KCNJ3: variants seen among roughly 807,000 people sequenced by gnomAD.
KCNJ3 encodes potassium inwardly rectifying channel subfamily J member 3.
In KCNJ3, 4 loss-of-function variants were observed where a neutral mutation model predicts 39.2. The observed-to-expected ratio is 0.10, with a 90% CI of 0.05 to 0.23. KCNJ3 has a LOEUF of 0.23. Among genes scored for constraint, KCNJ3 ranks in the 10% least tolerant of loss-of-function variants. The probability of loss-of-function intolerance (pLI) is 1.00; values close to 1 mark genes in which losing one functional copy is unlikely to be tolerated. For synonymous variants in KCNJ3, 230 were observed against 237.4 expected, an observed-to-expected ratio of 0.97 and a Z score of 0.29; for missense variants, 276 against 634.9, an observed-to-expected ratio of 0.43 and a Z score of 6.08.
At chr2:154,831,577 T>C (rs539550885) in intron 2 of KCNJ3, among the ~76,000 whole-genome samples, 3 of 152,194 alleles carry the variant, frequency 2.0e-5, no homozygotes, top group African/African-American at 7.2e-5. Flanking sequence ...ATGGGCCACA[T>C]GTATGGATGA....
chr2:154,720,824 AG>A (rs1481087491), intron 2 of KCNJ3, among the ~76,000 whole-genome samples: 7 of 152,138 alleles, frequency 4.6e-5, no homozygotes, highest in Non-Finnish European at 1.0e-4. Context: ...TTCTTCACTA[AG>A]GGTTTACTTT....
At chr2:154,715,877 A>G (rs16838030) in intron 2 of KCNJ3, among the ~76,000 whole-genome samples, 14,208 of 152,070 alleles carry the variant, frequency 0.093, 709 homozygotes, top group African/African-American at 0.11. Flanking sequence ...ATCTTGAGAC[A>G]TTTACTTTTT....
rs1686173614 is a variant in KCNJ3 at position 154,768,386 on chromosome 2, G to T, written c.919+58567G>T. Among the ~76,000 whole-genome samples, 3 of 152,264 alleles carry T rather than the reference G, an allele frequency of 2.0e-5. No individual in the cohort carries two copies. In the South Asian group the frequency reaches 6.2e-4, roughly 32 times the overall value. ...GTATAAGGTGTAAGGAAGGGATCCAGTTTCAGCTTTCTACATATGGCTAGC... is the reference window on the plus strand; with the variant it reads ...GTATAAGGTGTAAGGAAGGGATCCATTTTCAGCTTTCTACATATGGCTAGC... On this transcript the variant is annotated intron_variant, in intron 2 of 2. Transcript: ENST00000295101.
At chr2:154,825,602 G>A (rs1030866598) in intron 2 of KCNJ3, among the ~76,000 whole-genome samples, 1 of 150,724 alleles carries the variant, frequency 6.6e-6, no homozygotes, top group Admixed American at 6.6e-5. Context: ...TTGAGACAAG[G>A]TCTTGCTCTG....
At chr2:154,777,268 C>T (rs1686354657) in intron 2 of KCNJ3, among the ~76,000 whole-genome samples, 1 of 152,152 alleles carries the variant, frequency 6.6e-6, no homozygotes, top group African/African-American at 2.4e-5. Flanking sequence ...TACAGTGTTT[C>T]TGCGACTTAT....
chr2:154,705,216 C>T (rs1434086843), intron 1 of KCNJ3, among the ~76,000 whole-genome samples: 1 of 152,174 alleles, frequency 6.6e-6, no homozygotes, highest in Non-Finnish European at 1.5e-5. Flanking sequence ...ATGGATTGTA[C>T]TGGATAAATA....
chr2:154,819,284 A>G (rs1040425914), intron 2 of KCNJ3, among the ~76,000 whole-genome samples: 18 of 152,036 alleles, frequency 1.2e-4, no homozygotes, highest in African/African-American at 3.9e-4. Flanking sequence ...CTTTTAAAAA[A>G]CTTTTTATTG....
chr2:154,736,953 G>T (rs1265195154), intron 2 of KCNJ3, among the ~76,000 whole-genome samples: 2 of 152,186 alleles, frequency 1.3e-5, no homozygotes, highest in Non-Finnish European at 2.9e-5. Context: ...GGAATCTGGA[G>T]AGGTCATCAT....
intron 2 of KCNJ3, among the ~76,000 whole-genome samples, chr2:154,710,985 T>C (rs188206139): frequency 3.9e-5 from 6 of 152,242 alleles, no homozygotes; most frequent in Admixed American, 3.9e-4. Context: ...GAGGATGATA[T>C]AATAACCACC....
At chr2:154,707,974 T>C (rs1685041422) in intron 1 of KCNJ3, among the ~76,000 whole-genome samples, 1 of 152,134 alleles carries the variant, frequency 6.6e-6, no homozygotes. Context: ...TCAAGAAAGT[T>C]CTTTTGGGAG....
intron 2 of KCNJ3, among the ~76,000 whole-genome samples, chr2:154,764,587 C>T (rs1450893877): frequency 6.6e-6 from 1 of 152,158 alleles, no homozygotes; most frequent in Admixed American, 6.6e-5. Flanking sequence ...AGAATTACTG[C>T]AATTTTCTAC....
In KCNJ3 at chr2:154,798,207, C is replaced by A. The variant is rs769516606; in HGVS notation, c.920-56520C>A. Among the ~76,000 whole-genome samples the A allele has an allele frequency of 1.1e-4, 14 of 126,508 alleles. No homozygotes were observed. In the East Asian group the frequency reaches 2.0e-3, roughly 18 times the overall value. 83.0% of individuals were successfully genotyped at this position (126,508 alleles called of 152,430 possible). On this transcript the variant is annotated intron_variant, in intron 2 of 2. Transcript: ENST00000295101. ...AACACCGCACACACACACACACACA[C>A]ACACACACACACACGCACAGAGTCT...
intron 2 of KCNJ3, among the ~76,000 whole-genome samples, chr2:154,838,703 GTAACATTGTAAAGCA>G (rs138849530): frequency 0.051 from 7,687 of 152,214 alleles, 244 homozygotes; most frequent in South Asian, 0.1. Flanking sequence ...TTATATAAAT[GTAACATTGTAAAGCA>G]TGACATTGTA....
rs558268814 is a variant in KCNJ3, at chr2:154,732,986, A to C, written c.919+23167A>C. ...AAGTCTGCCCAGCACAACACTGAAA[A>C]AAGCAAACTAATGAAAACTTTAGTG... On this transcript the variant is annotated intron_variant, in intron 2 of 2. Transcript: ENST00000295101. 3.3e-5 allele frequency among the ~76,000 whole-genome samples: 5 copies of C among 152,306 alleles called. No homozygotes were observed. The East Asian group carries it at 9.6e-4, about 29-fold the overall frequency.
chr2:154,797,364 C>T (rs1377902611), intron 2 of KCNJ3, among the ~76,000 whole-genome samples: 1 of 152,112 alleles, frequency 6.6e-6, no homozygotes, highest in Non-Finnish European at 1.5e-5. Context: ...CACAAATATA[C>T]ATTTAATTAT....
At chr2:154,702,017 C>G (rs182858476) in intron 1 of KCNJ3, among the ~76,000 whole-genome samples, 154 of 151,970 alleles carry the variant, frequency 1.0e-3, no homozygotes, top group Non-Finnish European at 1.5e-3. Flanking sequence ...GGGAGATTTG[C>G]CTTTAATAAG....
intron 2 of KCNJ3, among the ~76,000 whole-genome samples, chr2:154,782,779 C>T (rs1052408783): frequency 6.6e-6 from 1 of 152,074 alleles, no homozygotes; most frequent in Non-Finnish European, 1.5e-5. Flanking sequence ...TTATTTTTTT[C>T]AGTTGGCCGG....
At chr2:154,743,772 A>G (rs1685691502) in intron 2 of KCNJ3, among the ~76,000 whole-genome samples, 1 of 151,544 alleles carries the variant, frequency 6.6e-6, no homozygotes, top group South Asian at 2.1e-4. Context: ...CAATCTCCAA[A>G]AAAGCAGTTT....
intron 2 of KCNJ3, among the ~76,000 whole-genome samples, chr2:154,721,464 T>C (rs1010950033): frequency 2.6e-5 from 4 of 152,174 alleles, no homozygotes; most frequent in Admixed American, 2.6e-4. Flanking sequence ...AGACCAGTAG[T>C]ACAAATGCCA....
Sources: gnomAD v4.1 joint callset for allele counts (sites outside exome capture counted in the v4.1 genomes callset) on GRCh38, gnomAD v4.1.1 for gene constraint, MANE v1.5 for transcripts, NCBI Gene and HGNC (gene_info 2026-07-23, HGNC 2026-07-21) for gene names.